Variants in CASK observed in about 807,000 individuals in gnomAD.
The protein encoded by CASK is peripheral plasma membrane protein CASK.
Under a neutral mutation model 82.9 loss-of-function variants are expected in CASK, and 4 were observed. The ratio of observed to expected loss-of-function variants is 0.05; its 90% confidence interval spans 0.02 to 0.11. The LOEUF (loss-of-function observed/expected upper bound fraction) is 0.11, where lower values mean the gene tolerates loss of function less well. Ranked by LOEUF, CASK falls within the 10% of genes least tolerant of loss-of-function variation. The pLI is 1.00. For synonymous variants in CASK, 259 were observed against 253.5 expected, an observed-to-expected ratio of 1.02 and a Z score of -0.20; for missense variants, 358 against 720.9, an observed-to-expected ratio of 0.50 and a Z score of 5.76.
intron 5 of CASK, among the ~76,000 whole-genome samples, chrX:41,733,905 C>T (rs2068452236): frequency 9.0e-6 from 1 of 111,561 alleles, no homozygotes; most frequent in African/African-American, 3.3e-5. Flanking sequence ...CTACGGAATG[C>T]TTTAAGAAAT....
chrX:41,874,586 T>C (rs926132051), intron 1 of CASK, among the ~76,000 whole-genome samples: 3 of 112,160 alleles, frequency 2.7e-5, no homozygotes, highest in Non-Finnish European at 5.6e-5. Flanking sequence ...TTTAAGCATG[T>C]TTTAGACCTC....
In CASK at chrX:41,518,144, A is replaced by C. The variant is rs752814368; in HGVS notation, c.*2276T>G. ...ATAAATATGGCAGATGGCTTAAGAC[A>C]GGCATCATCAGCATCTCTGGAGATG... is the stretch of plus-strand genomic sequence containing the variant. On this transcript the variant is annotated 3_prime_UTR_variant, in exon 27 of 27. Transcript: ENST00000378163. 138 of 155,126 alleles carry C rather than the reference A, an allele frequency of 8.9e-4. 1 individual carries two copies. The highest frequency in any genetic ancestry group is 4.1e-3 in the African/African-American group (131 of 32,266). 12.8% of individuals were successfully genotyped at this position (155,126 alleles called of 1,213,427 possible). A position where few individuals can be genotyped will look rare whatever the true frequency, so the allele number is the denominator to read the frequency against.
chrX:41,622,907 G>A (rs1414415305), intron 10 of CASK, among the ~76,000 whole-genome samples: 1 of 104,955 alleles, frequency 9.5e-6, no homozygotes, highest in East Asian at 2.9e-4. Context: ...TTGAGATGGG[G>A]TCTCACTCTA....
At chrX:41,830,637 G>A (rs1463030840) in intron 2 of CASK, among the ~76,000 whole-genome samples, 7 of 107,262 alleles carry the variant, frequency 6.5e-5, no homozygotes, top group African/African-American at 1.0e-4. Context: ...TGGCTAACTC[G>A]GTGAAACCCC....
intron 14 of CASK, chrX:41,583,898 T>C (rs906569233): frequency 1.8e-5 from 2 of 111,626 alleles, no homozygotes; most frequent in Admixed American, 9.5e-5. Flanking sequence ...TGTGCCACCA[T>C]GTCTGGCTAG....
intron 1 of CASK, among the ~76,000 whole-genome samples, chrX:41,858,665 C>T (rs997579296): frequency 8.9e-6 from 1 of 111,823 alleles, no homozygotes; most frequent in African/African-American, 3.3e-5. Context: ...ACATCTGAAG[C>T]CAGACTATGA....
chrX:41,703,381 C>A (rs934191326), intron 5 of CASK, among the ~76,000 whole-genome samples: 2 of 112,316 alleles, frequency 1.8e-5, no homozygotes, highest in Non-Finnish European at 3.8e-5. Context: ...ATCACTCTGA[C>A]GTATATTTTT....
chrX:41,684,260 G>A lies in CASK; in HGVS notation c.430-12730C>T, dbSNP rs755276937. ...AGGGAGAAACCCAGCAGAAACTAGC[G>A]AAGTTAACACTGCTTCTAATGGGAC... On this transcript the variant is annotated intron_variant, in intron 5 of 26. Transcript: ENST00000378163. Among the ~76,000 whole-genome samples, 5 of 111,462 alleles carry A rather than the reference G, an allele frequency of 4.5e-5. No homozygotes were observed. In the South Asian group the frequency reaches 1.1e-3, roughly 25 times the overall value.
At chrX:41,555,960 C>G in intron 19 of CASK, 1 of 187,561 alleles carries the variant, frequency 5.3e-6, no homozygotes, top group South Asian at 1.2e-4. Flanking sequence ...AGCTGTTGCC[C>G]TTTTCAACTT....
chrX:41,616,456 G>A (rs1405359847), intron 11 of CASK, among the ~76,000 whole-genome samples: 1 of 111,417 alleles, frequency 9.0e-6, no homozygotes, highest in Admixed American at 9.6e-5. Flanking sequence ...TGGCTTCAAA[G>A]TCTATGTTTT....
At chrX:41,914,405 A>G (rs1164687548) in intron 1 of CASK, among the ~76,000 whole-genome samples, 1 of 112,569 alleles carries the variant, frequency 8.9e-6, no homozygotes, top group Admixed American at 9.4e-5. Context: ...GTGAAATAGC[A>G]CGCACTTAGA....
At chrX:41,906,722 C>T (rs976833136) in intron 1 of CASK, among the ~76,000 whole-genome samples, 1 of 112,694 alleles carries the variant, frequency 8.9e-6, no homozygotes, top group African/African-American at 3.2e-5. Context: ...TCATCACCTA[C>T]CGCTGACCCC....
At chrX:41,815,391 A>T (rs1370704787) in intron 2 of CASK, among the ~76,000 whole-genome samples, 1 of 112,040 alleles carries the variant, frequency 8.9e-6, no homozygotes, top group Non-Finnish European at 1.9e-5. Flanking sequence ...CCTATAAATG[A>T]TAGCTATGTA....
chrX:41,921,158 C>T (rs757043204), intron 1 of CASK, among the ~76,000 whole-genome samples: 6 of 112,075 alleles, frequency 5.4e-5, no homozygotes, highest in African/African-American at 1.9e-4. Context: ...GAAAAAGGTA[C>T]TTGATTCGGT....
At chrX:41,522,798 C>T (rs909439946) in intron 26 of CASK, among the ~76,000 whole-genome samples, 9 of 112,401 alleles carry the variant, frequency 8.0e-5, no homozygotes, top group African/African-American at 2.9e-4. Context: ...TCTTTTAAGA[C>T]GAAGCTATAT....
intron 11 of CASK, among the ~76,000 whole-genome samples, chrX:41,622,413 T>C (rs191168593): frequency 8.9e-6 from 1 of 112,340 alleles, no homozygotes; most frequent in Admixed American, 9.5e-5. Context: ...ATGAAAGAAG[T>C]GAGAACTTAA....
chrX:41,689,967 G>A (rs1158628923), intron 5 of CASK: 5 of 111,384 alleles, frequency 4.5e-5, no homozygotes, highest in Non-Finnish European at 3.8e-5. Context: ...TCCTACATGA[G>A]CCAGTTGAAA....
At chrX:41,839,747 A>C in intron 2 of CASK, among the ~76,000 whole-genome samples, 1 of 111,449 alleles carries the variant, frequency 9.0e-6, no homozygotes, top group Non-Finnish European at 1.9e-5. Flanking sequence ...TTATGAAAAA[A>C]CTTATTGGAA....
intron 5 of CASK, among the ~76,000 whole-genome samples, chrX:41,735,436 T>C (rs1037044317): frequency 8.9e-6 from 1 of 112,159 alleles, no homozygotes; most frequent in Admixed American, 9.5e-5. Flanking sequence ...CTTGAAGTTT[T>C]ACAATGACCA....
Sources: allele counts gnomAD v4.1 joint callset (sites outside exome capture counted in the v4.1 genomes callset), GRCh38; gene constraint gnomAD v4.1.1; transcripts MANE v1.5; gene names NCBI Gene and HGNC (gene_info 2026-07-23, HGNC 2026-07-21).